The following PDGFRL variants were observed in gnomAD, a reference collection of about 807,000 sequenced individuals.
The protein encoded by PDGFRL is platelet derived growth factor receptor like, also known as platelet-derived growth factor receptor-like protein.
A neutral mutation model predicts 37.2 loss-of-function variants in PDGFRL; 46 were observed. The observed-to-expected ratio is 1.24, with a 90% CI of 0.98 to 1.58. PDGFRL has a LOEUF of 1.58. Ranked by LOEUF, PDGFRL falls within the 40% of genes most tolerant of loss-of-function variation. The pLI is 0.00. For synonymous variants in PDGFRL, 251 were observed against 184.3 expected (o/e 1.36, Z -2.93); for missense variants, 692 against 467.6 (o/e 1.48, Z -4.43).
At chr8:17,600,953 G>A (rs1011976084) in intron 2 of PDGFRL, among the ~76,000 whole-genome samples, 8 of 152,202 alleles carry the variant, frequency 5.3e-5, no homozygotes, top group African/African-American at 1.9e-4. Context: ...GTGCTCTCCA[G>A]CCTGGGAGAC....
intron 2 of PDGFRL, among the ~76,000 whole-genome samples, chr8:17,597,559 T>TTC (rs1554550491): frequency 6.6e-6 from 1 of 150,502 alleles, no homozygotes; most frequent in Non-Finnish European, 1.5e-5. Context: ...CATTTTTTTT[T>TTC]CCCAAAGTGC....
chr8:17,637,652 T>C (rs1386690999), intron 5 of PDGFRL, among the ~76,000 whole-genome samples: 2 of 152,204 alleles, frequency 1.3e-5, no homozygotes, highest in Non-Finnish European at 2.9e-5. Flanking sequence ...TTGATACCAG[T>C]TCTTAGAATG....
chr8:17,605,589 T>C (rs1804256795), intron 2 of PDGFRL, among the ~76,000 whole-genome samples: 2 of 152,100 alleles, frequency 1.3e-5, no homozygotes, highest in African/African-American at 4.8e-5. Context: ...AAACGGAGAA[T>C]AAGTGGGTCT....
At chr8:17,608,160 G>A (rs1804324245) in intron 2 of PDGFRL, among the ~76,000 whole-genome samples, 1 of 152,098 alleles carries the variant, frequency 6.6e-6, no homozygotes, top group South Asian at 2.1e-4. Flanking sequence ...ATTGCCTTTG[G>A]GAGTTCATCC....
At chr8:17,592,226 C>T (rs2720581) in intron 2 of PDGFRL, among the ~76,000 whole-genome samples, 5,178 of 152,240 alleles carry the variant, frequency 0.034, 230 homozygotes, top group African/African-American at 0.1. Flanking sequence ...GAAAAACCAC[C>T]ATTGCTTTTG....
chr8:17,595,803 T>A (rs763997049), intron 2 of PDGFRL, among the ~76,000 whole-genome samples: 21 of 152,184 alleles, frequency 1.4e-4, no homozygotes, highest in Non-Finnish European at 2.1e-4. Context: ...CCAGTGAGTT[T>A]AGGTCAACAG....
At chr8:17,642,138 T>C (rs550718045) in intron 5 of PDGFRL, among the ~76,000 whole-genome samples, 1 of 152,216 alleles carries the variant, frequency 6.6e-6, no homozygotes, top group South Asian at 2.1e-4. Flanking sequence ...ATCATACTTC[T>C]CCCTCTCTCA....
chr8:17,587,088 C>T (rs1302681485), intron 1 of PDGFRL, among the ~76,000 whole-genome samples: 1 of 152,110 alleles, frequency 6.6e-6, no homozygotes, highest in Non-Finnish European at 1.5e-5. Flanking sequence ...CACTCAATTC[C>T]AATACCGTCT....
chr8:17,624,973 AT>A (rs1179478605), intron 3 of PDGFRL, among the ~76,000 whole-genome samples: 2 of 134,380 alleles, frequency 1.5e-5, no homozygotes, highest in Non-Finnish European at 1.7e-5. Context: ...GCATTTATTT[AT>A]TTTTTTATTT....
At chr8:17,581,021 G>A (rs752461998) in intron 1 of PDGFRL, among the ~76,000 whole-genome samples, 1 of 151,976 alleles carries the variant, frequency 6.6e-6, no homozygotes, top group Non-Finnish European at 1.5e-5. Context: ...CTACCCTAAT[G>A]ACCTCATGCT....
intron 2 of PDGFRL, among the ~76,000 whole-genome samples, chr8:17,603,738 A>C (rs767153413): frequency 3.9e-5 from 6 of 152,214 alleles, no homozygotes; most frequent in South Asian, 2.1e-4. Context: ...TAGATCTTTT[A>C]ATCTTAGGGA....
At chr8:17,610,637 G>A (rs147069938) in intron 2 of PDGFRL, among the ~76,000 whole-genome samples, 8 of 152,290 alleles carry the variant, frequency 5.3e-5, no homozygotes, top group African/African-American at 1.2e-4. Context: ...AGGGCCAGGC[G>A]CGGTGGCTCA....
At chr8:17,582,335 A>G (rs1043049159) in intron 1 of PDGFRL, among the ~76,000 whole-genome samples, 2 of 152,126 alleles carry the variant, frequency 1.3e-5, no homozygotes, top group Non-Finnish European at 2.9e-5. Context: ...CACGCCTGTA[A>G]TCCCAGCACT....
chr8:17,595,845 C>T (rs1804041123), intron 2 of PDGFRL, among the ~76,000 whole-genome samples: 1 of 152,230 alleles, frequency 6.6e-6, no homozygotes, highest in Admixed American at 6.5e-5. Flanking sequence ...GCTGAGCCAC[C>T]TCCCAACAGC....
chr8:17,587,862 T>A (rs1031027570), intron 1 of PDGFRL, among the ~76,000 whole-genome samples: 1 of 152,100 alleles, frequency 6.6e-6, no homozygotes, highest in African/African-American at 2.4e-5. Flanking sequence ...ACTTCTGACC[T>A]CAACTGATCC....
At chr8:17,583,732 G>C (rs927357031) in intron 1 of PDGFRL, among the ~76,000 whole-genome samples, 4 of 152,234 alleles carry the variant, frequency 2.6e-5, no homozygotes, top group South Asian at 2.1e-4. Context: ...CTAATAGCGT[G>C]AGTTCTTGCT....
At chr8:17,578,191 C>T (rs1803629549) in intron 1 of PDGFRL, among the ~76,000 whole-genome samples, 1 of 152,062 alleles carries the variant, frequency 6.6e-6, no homozygotes, top group African/African-American at 2.4e-5. Flanking sequence ...TGTCCTCAAC[C>T]CTCTCTTGAA....
At chr8:17,610,006 C>A (rs1196294436) in intron 2 of PDGFRL, among the ~76,000 whole-genome samples, 1 of 152,194 alleles carries the variant, frequency 6.6e-6, no homozygotes, top group African/African-American at 2.4e-5. Context: ...GCAGTGAATT[C>A]ACTGTGCTGG....
At chr8:17,616,893 C>T (rs144884736) in intron 2 of PDGFRL, among the ~76,000 whole-genome samples, 27 of 152,250 alleles carry the variant, frequency 1.8e-4, no homozygotes, top group Non-Finnish European at 3.1e-4. Context: ...GAGTCTTCAC[C>T]GGGGCAGACA....
Sources: gnomAD v4.1 joint callset for allele counts (sites outside exome capture counted in the v4.1 genomes callset) on GRCh38, gnomAD v4.1.1 for gene constraint, MANE v1.5 for transcripts, NCBI Gene and HGNC (gene_info 2026-07-23, HGNC 2026-07-21) for gene names.